Variants in GRID1 observed in about 807,000 individuals in gnomAD.
GRID1 encodes the protein glutamate ionotropic receptor delta type subunit 1.
In GRID1, 28 loss-of-function variants were observed where a neutral mutation model predicts 98.0. The observed-to-expected ratio is 0.29, with a 90% CI of 0.21 to 0.39. The LOEUF (loss-of-function observed/expected upper bound fraction) is 0.39. Among genes scored for constraint, GRID1 ranks in the 10% least tolerant of loss-of-function variants. The probability of loss-of-function intolerance (pLI) is 1.00; values close to 1 mark genes in which losing one functional copy is unlikely to be tolerated. For missense variants in GRID1, 1,111 were observed against 1,340.5 expected, an observed-to-expected ratio of 0.83 and a Z score of 2.67; for synonymous variants, 553 against 538.5, an observed-to-expected ratio of 1.03 and a Z score of -0.37.
intron 3 of GRID1, among the ~76,000 whole-genome samples, chr10:86,170,864 C>T (rs550153764): frequency 6.6e-6 from 1 of 152,260 alleles, no homozygotes; most frequent in South Asian, 2.1e-4. Flanking sequence ...CAAATGCCAA[C>T]CCATTTAAAA....
At chr10:85,631,566 A>C (rs555798820) in intron 13 of GRID1, among the ~76,000 whole-genome samples, 29 of 152,324 alleles carry the variant, frequency 1.9e-4, no homozygotes, top group African/African-American at 6.5e-4. Context: ...GAAAAAGAAA[A>C]GTCCTAAGTT....
intron 5 of GRID1, among the ~76,000 whole-genome samples, chr10:85,895,069 C>CTATAACCT (rs1841272007): frequency 6.9e-6 from 1 of 145,440 alleles, no homozygotes; most frequent in Non-Finnish European, 1.5e-5. Flanking sequence ...TGCACAGAAC[C>CTATAACCT]TATAACCTTC....
At chr10:86,050,723 G>A (rs1286795684) in intron 4 of GRID1, among the ~76,000 whole-genome samples, 1 of 152,018 alleles carries the variant, frequency 6.6e-6, no homozygotes, top group East Asian at 1.9e-4. Flanking sequence ...GATACACCAA[G>A]TTCTTGGGTA....
intron 2 of GRID1, among the ~76,000 whole-genome samples, chr10:86,289,778 T>G (rs1371362787): frequency 6.6e-6 from 1 of 152,154 alleles, no homozygotes; most frequent in African/African-American, 2.4e-5. Context: ...TCACCCCAGT[T>G]GGTTCAGGGA....
At chr10:86,101,802 T>C (rs1844300415) in intron 4 of GRID1, among the ~76,000 whole-genome samples, 1 of 152,066 alleles carries the variant, frequency 6.6e-6, no homozygotes, top group Non-Finnish European at 1.5e-5. Flanking sequence ...TATGCCTGGC[T>C]TGGCTAATTT....
chr10:86,055,751 C>G (rs752361629), intron 4 of GRID1, among the ~76,000 whole-genome samples: 46 of 145,228 alleles, frequency 3.2e-4, no homozygotes, highest in African/African-American at 8.6e-4. Context: ...TCAACAACAA[C>G]AAGAAGAAGA....
intron 4 of GRID1, among the ~76,000 whole-genome samples, chr10:86,128,115 C>T (rs961944267): frequency 1.3e-5 from 2 of 152,162 alleles, no homozygotes; most frequent in African/African-American, 4.8e-5. Flanking sequence ...CAGCCCCAGC[C>T]CTGGAAAGAA....
intron 5 of GRID1, among the ~76,000 whole-genome samples, chr10:85,870,426 G>A (rs1478748642): frequency 6.6e-6 from 1 of 152,200 alleles, no homozygotes; most frequent in Non-Finnish European, 1.5e-5. Flanking sequence ...TTTGCAGACA[G>A]CCTATTGTGG....
At chr10:85,652,366 T>C (rs1843283192) in intron 12 of GRID1, among the ~76,000 whole-genome samples, 1 of 152,226 alleles carries the variant, frequency 6.6e-6, no homozygotes, top group Admixed American at 6.5e-5. Flanking sequence ...GATAAACACT[T>C]GTAACAAGAG....
chr10:86,031,843 T>C (rs1479818186), intron 4 of GRID1, among the ~76,000 whole-genome samples: 3 of 152,234 alleles, frequency 2.0e-5, no homozygotes, highest in African/African-American at 7.2e-5. Flanking sequence ...GCTGAGGTGT[T>C]TCTTGCATAT....
chr10:85,847,647 A>C (rs1041310377), intron 8 of GRID1, among the ~76,000 whole-genome samples: 3 of 152,194 alleles, frequency 2.0e-5, no homozygotes, highest in African/African-American at 4.8e-5. Context: ...TAGTGGAAAA[A>C]TGTAAAAGCT....
Position 85,623,895 on chromosome 10 carries a change from TTCCTTTCAAC to T in GRID1, c.2194-3872_2194-3863del, listed in dbSNP as rs1842883236. Among the ~76,000 whole-genome samples the T allele has an allele frequency of 5.3e-5, 8 of 152,360 alleles. No individual in the cohort carries two copies. The South Asian group carries it at 1.7e-3, about 32-fold the overall frequency. On this transcript the variant is annotated intron_variant, in intron 13 of 15. Coordinates refer to ENST00000327946, the MANE Select transcript of GRID1 (RefSeq NM_017551.3). ...GACAGAGCATCAGCAGGAATCTAGC[TTCCTTTCAAC>T]CTTGTGCTGTGGTCTGGTGCTTGTA...
chr10:85,868,914 T>C, intron 6 of GRID1, 96 bp downstream of exon 6: 1 of 954,868 alleles, frequency 1.0e-6, no homozygotes, highest in South Asian at 1.4e-5. Context: ...TAATTGAAGT[T>C]GGTGGCAATA....
rs1848682964 is a variant in GRID1, at chr10:86,366,481, C to T, written c.-89G>A. 2.4e-6 allele frequency: 2 copies of T among 824,048 alleles called. No individual in the cohort carries two copies. Among genetic ancestry groups the T allele is most frequent in the African/African-American group, 1.8e-5 (1 of 54,806 alleles). The allele number at this position is 824,048 out of a possible 1,614,324, so 51.0% of individuals were successfully genotyped here. On this transcript the variant is annotated 5_prime_UTR_variant, in exon 1 of 16. Coordinates refer to ENST00000327946, the MANE Select transcript of GRID1 (RefSeq NM_017551.3). This position sits in a 1 kb window ranked among gnomAD's most constrained non-coding sequence, Gnocchi z 4.1. ...GGAGGCGCTGGTCCCGGTGCAGTCC[C>T]GGGCCGCTCCCCGGGAGAGCCGAGC...
intron 13 of GRID1, among the ~76,000 whole-genome samples, chr10:85,622,535 C>T (rs1040449616): frequency 2.0e-5 from 3 of 152,148 alleles, no homozygotes; most frequent in Admixed American, 6.5e-5. Context: ...GCCACTATGC[C>T]AGGCTGCCAA....
chr10:85,848,811 T>G (rs971708467), intron 8 of GRID1, among the ~76,000 whole-genome samples: 3 of 152,326 alleles, frequency 2.0e-5, no homozygotes, highest in South Asian at 4.1e-4. Context: ...GCAGCAGTGT[T>G]TGTTTCAGTT....
At chr10:86,013,511 C>A (rs533852707) in intron 4 of GRID1, among the ~76,000 whole-genome samples, 2 of 152,322 alleles carry the variant, frequency 1.3e-5, no homozygotes, top group Non-Finnish European at 2.9e-5. Context: ...TGGATCAAAT[C>A]AATACAGACC....
At chr10:85,930,122 G>C (rs768087139) in intron 4 of GRID1, among the ~76,000 whole-genome samples, 1 of 150,392 alleles carries the variant, frequency 6.6e-6, no homozygotes, top group Non-Finnish European at 1.5e-5. Flanking sequence ...CTGACTTGTA[G>C]TTATTTATAA....
rs185783524 is a variant in GRID1, at chr10:86,351,615, G to A, written c.235+12326C>T. Among the ~76,000 whole-genome samples, 8 of 152,294 alleles carry A rather than the reference G, an allele frequency of 5.3e-5. No individual in the cohort carries two copies. The East Asian group carries it at 1.5e-3, about 29-fold the overall frequency. ...AGCCAGCTGCATGAGCATTGGCAGGGGTGTCTGATGCACCCCCTTCTCTTG... is the reference window on the plus strand; with the variant it reads ...AGCCAGCTGCATGAGCATTGGCAGGAGTGTCTGATGCACCCCCTTCTCTTG... On this transcript the variant is annotated intron_variant, in intron 2 of 15. Transcript: ENST00000327946.
Sources: gnomAD v4.1 joint callset for allele counts (sites outside exome capture counted in the v4.1 genomes callset) on GRCh38, gnomAD v4.1.1 for gene constraint, Gnocchi (gnomAD v3.1) non-coding constraint, MANE v1.5 for transcripts, NCBI Gene and HGNC (gene_info 2026-07-23, HGNC 2026-07-21) for gene names.